The following TAMM41 variants were observed in gnomAD, a reference collection of about 807,000 sequenced individuals.
TAMM41 encodes phosphatidate cytidylyltransferase, mitochondrial.
In TAMM41, 36 loss-of-function variants were observed where a neutral mutation model predicts 44.1. That is an observed-to-expected ratio of 0.82 (90% CI 0.63 to 1.08). TAMM41 has a LOEUF of 1.08. TAMM41 is among the 50% of genes least tolerant of loss of function. The probability of loss-of-function intolerance (pLI) is 0.00; values close to 1 mark genes in which losing one functional copy is unlikely to be tolerated. For missense variants in TAMM41, 417 were observed against 404.3 expected, an observed-to-expected ratio of 1.03 and a Z score of -0.27; for synonymous variants, 164 against 153.1, an observed-to-expected ratio of 1.07 and a Z score of -0.53.
chr3:11,833,185 T>A (rs1207073231), intron 3 of TAMM41: 24 of 1,275,108 alleles, frequency 1.9e-5, no homozygotes, highest in Non-Finnish European at 2.4e-5. Context: ...GATTTGTGAA[T>A]AGCTGTTTGT....
intron 4 of TAMM41, among the ~76,000 whole-genome samples, chr3:11,827,324 A>G (rs1305364154): frequency 2.2e-5 from 3 of 136,050 alleles, no homozygotes; most frequent in Non-Finnish European, 3.1e-5. Context: ...TTTTTTTTTG[A>G]GACACAAGAC....
intron 7 of TAMM41, among the ~76,000 whole-genome samples, chr3:11,803,184 A>T (rs370622872): frequency 5.9e-5 from 9 of 152,260 alleles, no homozygotes; most frequent in Middle Eastern, 3.4e-3. Flanking sequence ...AGGCAGTAGA[A>T]TTGCTTGAAC....
chr3:11,837,129 C>T (rs2079214592), intron 3 of TAMM41, among the ~76,000 whole-genome samples: 1 of 152,088 alleles, frequency 6.6e-6, no homozygotes, highest in African/African-American at 2.4e-5. Flanking sequence ...TCCAGACAGC[C>T]CATGCACATC....
the TAMM41 span, among the ~76,000 whole-genome samples, chr3:11,729,716 C>T: frequency 6.6e-6 from 1 of 151,702 alleles, no homozygotes; most frequent in African/African-American, 2.4e-5. Context: ...CATGCCACCA[C>T]ACCCGGCTAA....
Position 11,846,508 on chromosome 3 carries a change from G to A in TAMM41, c.129C>T (p.Asp43=), listed in dbSNP as rs758351789. The A allele has an allele frequency of 4.4e-5, 71 of 1,614,086 alleles. No homozygotes were observed. Among genetic ancestry groups the A allele is most frequent in the Middle Eastern group, 3.3e-4 (2 of 6,084 alleles). The part of the protein sequence containing the change: ...GVYRQAGPSS[D]QKNAMLDFVF... ...TGGGGCTGCCCGGGCTCACCTTCTG[G>A]TCTGAACTCGGCCCTGCCTGGCGGT... The change falls in exon 1 of 8, where the codon GAC becomes GAT. Residue 43 remains aspartate (D), a synonymous_variant. Coordinates refer to ENST00000455809, the MANE Select transcript of TAMM41 (RefSeq NM_001284401.2).
chr3:11,762,149 T>C, the TAMM41 span, among the ~76,000 whole-genome samples: 2 of 152,094 alleles, frequency 1.3e-5, no homozygotes, highest in East Asian at 1.9e-4. Context: ...TGTATCTTTG[T>C]TACTACTCCG....
At position 11,844,064 on chromosome 3, in the gene TAMM41, C is replaced by T; in HGVS notation, c.283G>A (p.Val95Ile). Residue 95 changes from valine (V) to isoleucine (I), a missense_variant, in exon 2 of 8, where the codon GTT (valine) becomes ATT (isoleucine). Coordinates refer to ENST00000455809, the MANE Select transcript of TAMM41 (RefSeq NM_001284401.2). ...CACATGATCAATGAATTGTAGTAAA[C>T]TCCAGCGCCATAGTTATTCTGGATG... ...TSIQNNYGAG[V>I]YYNSLIMCNG... 1 of 1,614,146 alleles carries T rather than the reference C, an allele frequency of 6.2e-7. No homozygotes were observed. The highest frequency in any genetic ancestry group is 1.3e-5 in the African/African-American group (1 of 75,038).
At chr3:11,731,895 G>A in the TAMM41 span, among the ~76,000 whole-genome samples, 6 of 145,188 alleles carry the variant, frequency 4.1e-5, no homozygotes, top group Admixed American at 7.0e-5. Context: ...TTTTTTTTGA[G>A]ATGGAGTCTC....
At chr3:11,792,558 G>A (rs1461001545) in intron 7 of TAMM41, among the ~76,000 whole-genome samples, 2 of 152,176 alleles carry the variant, frequency 1.3e-5, no homozygotes, top group Non-Finnish European at 2.9e-5. Flanking sequence ...AGGGATCCTG[G>A]ACTTGCAAAA....
At chr3:11,829,639 G>C (rs564883643) in intron 4 of TAMM41, 75 bp downstream of exon 4, 1 of 1,538,558 alleles carries the variant, frequency 6.5e-7, no homozygotes, top group Non-Finnish European at 8.9e-7. Flanking sequence ...CCAGGGCCGA[G>C]TGAGAACAGG....
the TAMM41 span, among the ~76,000 whole-genome samples, chr3:11,733,760 GC>G: frequency 1.8e-4 from 28 of 152,154 alleles, no homozygotes; most frequent in African/African-American, 5.8e-4. Flanking sequence ...CTCCTAAAGT[GC>G]TAGGATTACA....
chr3:11,766,657 C>T, the TAMM41 span, among the ~76,000 whole-genome samples: 1 of 151,934 alleles, frequency 6.6e-6, no homozygotes, highest in Non-Finnish European at 1.5e-5. Flanking sequence ...GCCTTGACTT[C>T]CTGGGCTCAA....
intron 7 of TAMM41, among the ~76,000 whole-genome samples, chr3:11,791,107 G>A (rs1193645387): frequency 1.3e-5 from 2 of 152,214 alleles, no homozygotes; most frequent in African/African-American, 4.8e-5. Flanking sequence ...CACAGCATCT[G>A]TGCTCACTCA....
At chr3:11,775,155 C>T in the TAMM41 span, among the ~76,000 whole-genome samples, 1 of 152,142 alleles carries the variant, frequency 6.6e-6, no homozygotes, top group Non-Finnish European at 1.5e-5. Context: ...CATGAGCCAC[C>T]GCGCCTGGCC....
At chr3:11,814,178 A>C (rs1027061613) in intron 5 of TAMM41, among the ~76,000 whole-genome samples, 16 of 152,134 alleles carry the variant, frequency 1.1e-4, no homozygotes, top group African/African-American at 3.6e-4. Context: ...ATCCCCTCTC[A>C]AATTGATTAA....
At chr3:11,731,796 C>T in the TAMM41 span, among the ~76,000 whole-genome samples, 2 of 152,118 alleles carry the variant, frequency 1.3e-5, no homozygotes, top group African/African-American at 4.8e-5. Context: ...CCACGTGTCT[C>T]CCCTGCCTGC....
At chr3:11,775,668 G>A in the TAMM41 span, among the ~76,000 whole-genome samples, 90 of 152,248 alleles carry the variant, frequency 5.9e-4, 1 homozygote, top group South Asian at 6.2e-3. Flanking sequence ...AACCGTTTGC[G>A]CAGCATTATT....
chr3:11,846,702 C>A lies in TAMM41; in HGVS notation c.-66G>T. The A allele has an allele frequency of 6.2e-7, 1 of 1,606,440 alleles. No homozygotes were observed. The highest frequency in any genetic ancestry group is 1.1e-5 in the South Asian group (1 of 90,496). ...AGGACAACCGGGCGGGGAACAGACA[C>A]CGGGTAGGCGGTTTAGGGTGGGAAA... On this transcript the variant is annotated 5_prime_UTR_variant, in exon 1 of 8. Coordinates refer to ENST00000455809, the MANE Select transcript of TAMM41 (RefSeq NM_001284401.2).
chr3:11,788,925 G>A (rs777385095), downstream of TAMM41, among the ~76,000 whole-genome samples: 2 of 150,486 alleles, frequency 1.3e-5, no homozygotes, highest in African/African-American at 2.4e-5. Context: ...CAACAAGGGC[G>A]AAATTCCATC....
Sources: allele counts gnomAD v4.1 joint callset (sites outside exome capture counted in the v4.1 genomes callset), GRCh38; gene constraint gnomAD v4.1.1; transcripts MANE v1.5; gene names NCBI Gene and HGNC (gene_info 2026-07-23, HGNC 2026-07-21).